The following EXOC2 variants were observed in gnomAD, a reference collection of about 807,000 sequenced individuals.
The protein encoded by EXOC2 is exocyst complex component 2, also known as SEC5-like 1.
In EXOC2, 70 loss-of-function variants were observed where a neutral mutation model predicts 131.8. That is an observed-to-expected ratio of 0.53 (90% CI 0.44 to 0.65). The LOEUF (loss-of-function observed/expected upper bound fraction) is 0.65. Among genes scored for constraint, EXOC2 ranks in the 30% least tolerant of loss-of-function variants. The pLI, the probability that EXOC2 is intolerant of heterozygous loss-of-function variation, is 0.00. For synonymous variants in EXOC2, 411 were observed against 398.4 expected (o/e 1.03, Z -0.38); for missense variants, 923 against 1,108.6 (o/e 0.83, Z 2.38).
chr6:518,061 G>C (rs1438738180), intron 23 of EXOC2, among the ~76,000 whole-genome samples: 2 of 152,138 alleles, frequency 1.3e-5, no homozygotes, highest in African/African-American at 2.4e-5. Context: ...CGAACAAACT[G>C]TCTAAAAAGC....
At position 502,847 on chromosome 6, in the gene EXOC2, C is replaced by T. The variant is rs528928997; in HGVS notation, c.2381-3147G>A. ...CCTTCTTTCCCCTCACACAAAAAAA[C>T]GAAATAACTGCTTCATACAAATAAC... On this transcript the variant is annotated intron_variant, in intron 23 of 27. Coordinates refer to ENST00000230449, the MANE Select transcript of EXOC2 (RefSeq NM_018303.6). 1.4e-4 allele frequency among the ~76,000 whole-genome samples: 21 copies of T among 152,152 alleles called. No individual in the cohort carries two copies. The East Asian group carries it at 3.1e-3, about 22-fold the overall frequency.
intron 1 of EXOC2, among the ~76,000 whole-genome samples, chr6:683,050 AC>A (rs569970361): frequency 1.3e-3 from 191 of 152,256 alleles, no homozygotes; most frequent in Non-Finnish European, 2.0e-3. Context: ...AGAAAGCTTT[AC>A]CCTCGCAGTG....
intron 1 of EXOC2, among the ~76,000 whole-genome samples, chr6:646,194 C>T (rs566273467): frequency 1.1e-4 from 16 of 152,194 alleles, no homozygotes; most frequent in African/African-American, 3.9e-4. Context: ...TATTTTATTT[C>T]CTGATTTTGG....
In EXOC2 at chr6:598,876, C is replaced by T. The variant is rs761232617; in HGVS notation, c.954G>A (p.Val318=). ...GAATCTTACATTTCTTGAAAACTTG[C>T]ACCTCCGTTTTCCCAAAAAGTGACT... The part of the protein sequence containing the change: ...KAKSLFGKTE[V]QVFKKYYAEV... Residue 318 remains valine, a synonymous_variant, in exon 9 of 28, where the codon GTG becomes GTA. Transcript: ENST00000230449. 45 of 1,611,010 alleles carry T rather than the reference C, an allele frequency of 2.8e-5. No individual in the cohort carries two copies. Among genetic ancestry groups the T allele is most frequent in the Non-Finnish European group, 3.8e-5 (45 of 1,179,048 alleles).
intron 25 of EXOC2, 42 bp downstream of exon 25, chr6:497,325 A>G (rs751187725): frequency 1.9e-6 from 3 of 1,590,322 alleles, no homozygotes; most frequent in Admixed American, 3.4e-5. Flanking sequence ...TATGCTTTAA[A>G]TAACAACAGA....
intron 23 of EXOC2, among the ~76,000 whole-genome samples, chr6:512,468 AT>A (rs1428877962): frequency 6.6e-6 from 1 of 152,256 alleles, no homozygotes; most frequent in African/African-American, 2.4e-5. Flanking sequence ...TACTTTAAGA[AT>A]ACAGAATATA....
chr6:611,056 G>A (rs918955865), intron 6 of EXOC2, among the ~76,000 whole-genome samples: 13 of 152,240 alleles, frequency 8.5e-5, no homozygotes, highest in South Asian at 4.1e-4. Flanking sequence ...CTGAAACTGG[G>A]GTTCAACTTA....
intron 13 of EXOC2, among the ~76,000 whole-genome samples, chr6:568,855 CACA>C (rs1276036721): frequency 1.3e-5 from 2 of 152,130 alleles, no homozygotes; most frequent in South Asian, 2.1e-4. Context: ...TAAATTTTGC[CACA>C]ACAATTTTGC....
At chr6:685,467 C>T (rs945504791) in intron 1 of EXOC2, among the ~76,000 whole-genome samples, 6 of 152,164 alleles carry the variant, frequency 3.9e-5, no homozygotes, top group Non-Finnish European at 7.3e-5. Flanking sequence ...AAAGGGATTG[C>T]CCAGAGATAT....
In EXOC2 at chr6:506,544, C is replaced by T. The variant is rs1764546198; in HGVS notation, c.2381-6844G>A. 6.6e-6 allele frequency among the ~76,000 whole-genome samples: 1 copy of T among 152,204 alleles called. No individual in the cohort carries two copies. On this transcript the variant is annotated intron_variant, in intron 23 of 27. Transcript: ENST00000230449. This position sits in a 1 kb window ranked among gnomAD's most constrained non-coding sequence, Gnocchi z 4.4. ...AACCCCCACAACTTTCCATGTTGTTCAAGCGAGGGAATGAGAAACAGTTTC... is the reference window on the plus strand; with the variant it reads ...AACCCCCACAACTTTCCATGTTGTTTAAGCGAGGGAATGAGAAACAGTTTC...
At chr6:647,246 G>A (rs1321490246) in intron 1 of EXOC2, among the ~76,000 whole-genome samples, 2 of 152,104 alleles carry the variant, frequency 1.3e-5, no homozygotes, top group African/African-American at 4.8e-5. Flanking sequence ...GTAGAAATAT[G>A]CTGCTCTCCT....
rs1291778303 is a variant in EXOC2, at chr6:562,863, C to T, written c.1790-18G>A. 3.3e-6 allele frequency: 5 copies of T among 1,537,042 alleles called. No individual in the cohort carries two copies. The African/African-American group carries it at 4.2e-5, about 13-fold the overall frequency. On this transcript the variant is annotated intron_variant, in intron 16 of 27. Transcript: ENST00000230449. Reference sequence around the variant, plus strand: ...CTTTATTTCTATATGAGAAGAAGCACACAAATACTTTATTATAATTATCTC... The same window carrying T: ...CTTTATTTCTATATGAGAAGAAGCATACAAATACTTTATTATAATTATCTC...
intron 27 of EXOC2, 102 bp downstream of exon 27, chr6:488,877 C>CTCTTCCTAGA: frequency 8.1e-7 from 1 of 1,229,132 alleles, no homozygotes. Context: ...TTGGATTCTG[C>CTCTTCCTAGA]TCTTCCTAGA....
chr6:567,266 C>T (rs905717433), intron 13 of EXOC2, among the ~76,000 whole-genome samples: 11 of 152,156 alleles, frequency 7.2e-5, no homozygotes, highest in Non-Finnish European at 1.5e-4. Flanking sequence ...AGCTGAGCTG[C>T]CCTCCTGGTG....
intron 23 of EXOC2, among the ~76,000 whole-genome samples, chr6:503,489 CTGA>C: frequency 6.6e-6 from 1 of 152,200 alleles, no homozygotes; most frequent in South Asian, 2.1e-4. Context: ...CGCATTTGCC[CTGA>C]TGATGTGGTA....
chr6:571,936 T>C (rs1758297643), intron 13 of EXOC2, among the ~76,000 whole-genome samples: 1 of 152,232 alleles, frequency 6.6e-6, no homozygotes, highest in Admixed American at 6.5e-5. Context: ...CATTCCTTTA[T>C]GTTCATGCCT....
chr6:593,579 T>C (rs965176796), intron 10 of EXOC2, among the ~76,000 whole-genome samples: 2 of 152,268 alleles, frequency 1.3e-5, no homozygotes, highest in Non-Finnish European at 2.9e-5. Context: ...TCAAATATTA[T>C]TTAAGATTTG....
chr6:535,000 T>C (rs1285653208), intron 22 of EXOC2, among the ~76,000 whole-genome samples: 1 of 152,102 alleles, frequency 6.6e-6, no homozygotes, highest in East Asian at 1.9e-4. Flanking sequence ...GGCTAGAAAT[T>C]TATAGCTGAA....
chr6:658,668 T>A (rs550213650), intron 1 of EXOC2, among the ~76,000 whole-genome samples: 7,602 of 127,054 alleles, frequency 0.06, 338 homozygotes, highest in South Asian at 0.15. Context: ...TATATATATT[T>A]TTTTTTTTTT....
Sources: allele counts gnomAD v4.1 joint callset (sites outside exome capture counted in the v4.1 genomes callset), GRCh38; gene constraint gnomAD v4.1.1; non-coding constraint Gnocchi (gnomAD v3.1); transcripts MANE v1.5; gene names NCBI Gene and HGNC (gene_info 2026-07-23, HGNC 2026-07-21).